VPS13A: variants seen among roughly 807,000 people sequenced by gnomAD.
VPS13A encodes vacuolar protein sorting 13 homolog A.
Under a neutral mutation model 390.9 loss-of-function variants are expected in VPS13A, and 264 were observed. The observed-to-expected ratio is 0.68, with a 90% CI of 0.61 to 0.75. The LOEUF (loss-of-function observed/expected upper bound fraction) is 0.75. Among genes scored for constraint, VPS13A ranks in the 30% least tolerant of loss-of-function variants. The pLI is 0.00. For synonymous variants in VPS13A, 1,231 were observed against 1,227.1 expected, an observed-to-expected ratio of 1.00 and a Z score of -0.07; for missense variants, 3,409 against 3,733.9, an observed-to-expected ratio of 0.91 and a Z score of 2.27.
chr9:77,262,871 G>A (rs891444671), intron 23 of VPS13A, among the ~76,000 whole-genome samples: 1 of 152,076 alleles, frequency 6.6e-6, no homozygotes. Flanking sequence ...CTTTGCTATT[G>A]TGAACAGTGC....
intron 3 of VPS13A, among the ~76,000 whole-genome samples, chr9:77,202,025 T>A (rs1825359454): frequency 6.6e-6 from 1 of 152,170 alleles, no homozygotes; most frequent in Admixed American, 6.5e-5. Flanking sequence ...TAATAGTGTC[T>A]TTAGTTGGGA....
chr9:77,179,781 G>C (rs565609044), intron 1 of VPS13A, among the ~76,000 whole-genome samples: 1 of 136,882 alleles, frequency 7.3e-6, no homozygotes, highest in African/African-American at 2.6e-5. Context: ...TCACAAAATT[G>C]TACAACCATC....
chr9:77,323,371 A>C, intron 45 of VPS13A, 144 bp downstream of exon 45: 1 of 968,588 alleles, frequency 1.0e-6, no homozygotes. Flanking sequence ...ACTCACTACC[A>C]CCAGTTGCGC....
chr9:77,369,784 C>T lies in VPS13A; in HGVS notation c.8667+372C>T, dbSNP rs186066724. Among the ~76,000 whole-genome samples, 32 of 152,266 alleles carry T rather than the reference C, an allele frequency of 2.1e-4. 1 individual carries two copies. Among genetic ancestry groups the T allele is most frequent in the African/African-American group, 6.7e-4 (28 of 41,560 alleles). ...ATCAGTGGGAAAAATTATGATTGTT[C>T]TATGTCCTTTAAAACTTTTTCCCAA... On this transcript the variant is annotated intron_variant, in intron 63 of 71. Transcript: ENST00000360280.
chr9:77,291,042 C>T (rs114352735), intron 31 of VPS13A, among the ~76,000 whole-genome samples: 3 of 152,150 alleles, frequency 2.0e-5, no homozygotes, highest in Non-Finnish European at 4.4e-5. Context: ...GAGTCCCCAA[C>T]CCCCGGGCTG....
intron 42 of VPS13A, 22 bp from the exon 43 acceptor site, chr9:77,321,146 AT>A: frequency 6.2e-7 from 1 of 1,604,572 alleles, no homozygotes; most frequent in Non-Finnish European, 8.5e-7. Flanking sequence ...TTTTCCTTAT[AT>A]TTCTATGATT....
At chr9:77,386,867 C>G (rs1451294725) in intron 68 of VPS13A, among the ~76,000 whole-genome samples, 2 of 151,854 alleles carry the variant, frequency 1.3e-5, no homozygotes, top group Non-Finnish European at 2.9e-5. Context: ...GCCACCACAC[C>G]CGGCTAATTT....
At chr9:77,302,194 G>T (rs905568971) in intron 33 of VPS13A, among the ~76,000 whole-genome samples, 1 of 151,862 alleles carries the variant, frequency 6.6e-6, no homozygotes, top group Non-Finnish European at 1.5e-5. Flanking sequence ...CTGACCTCAG[G>T]TGATCCACCC....
At chr9:77,380,918 A>AC (rs1309847618) in intron 67 of VPS13A, among the ~76,000 whole-genome samples, 6 of 152,218 alleles carry the variant, frequency 3.9e-5, no homozygotes, top group African/African-American at 1.4e-4. Context: ...TCAGGCAGTG[A>AC]AACTTGCTTG....
chr9:77,274,605 G>A (rs1009443012), intron 24 of VPS13A, among the ~76,000 whole-genome samples: 1 of 151,306 alleles, frequency 6.6e-6, no homozygotes, highest in Non-Finnish European at 1.5e-5. Context: ...AATTATTAAA[G>A]GAAAATCATC....
In VPS13A at chr9:77,357,316, C is replaced by CAAA. The variant is rs1156801817; in HGVS notation, c.7807-352_7807-350dup. 1.5e-3 allele frequency among the ~76,000 whole-genome samples: 68 copies of CAAA among 44,602 alleles called. 4 individuals are homozygous for CAAA. The highest frequency in any genetic ancestry group is 2.0e-3 in the African/African-American group (18 of 9,058). 29.3% of individuals were successfully genotyped at this position (44,602 alleles called of 152,430 possible). ...CCTGGCTGACAGCAAGACTCTGTCT[C>CAAA]AAAAAAAAAAAAAAAAAAAAAAAAA... On this transcript the variant is annotated intron_variant, in intron 55 of 71. Coordinates refer to ENST00000360280, the MANE Select transcript of VPS13A (RefSeq NM_033305.3).
chr9:77,207,266 T>C (rs1825732949), intron 5 of VPS13A, among the ~76,000 whole-genome samples: 1 of 125,862 alleles, frequency 7.9e-6, no homozygotes, highest in Admixed American at 8.4e-5. Context: ...ACGTGTTATA[T>C]GTAACATAAC....
Position 77,335,551 on chromosome 9 carries a change from T to G in VPS13A, c.6096-1704T>G, listed in dbSNP as rs1587608081. ...TCAAAAAGTAGGTGAAGGATATGAA[T>G]AGACACTTCTCAAAAGAAGACATTT... On this transcript the variant is annotated intron_variant, in intron 46 of 71. Coordinates refer to ENST00000360280, the MANE Select transcript of VPS13A (RefSeq NM_033305.3). Among the ~76,000 whole-genome samples, 3 of 152,104 alleles carry G rather than the reference T, an allele frequency of 2.0e-5. No homozygotes were observed. The South Asian group carries it at 6.2e-4, about 32-fold the overall frequency.
intron 26 of VPS13A, among the ~76,000 whole-genome samples, chr9:77,279,470 G>A (rs962091988): frequency 5.3e-5 from 8 of 152,058 alleles, no homozygotes; most frequent in Non-Finnish European, 1.0e-4. Context: ...TTGTATCTGT[G>A]CCCACTAAGG....
chr9:77,317,921 T>C (rs1163000394), intron 40 of VPS13A, among the ~76,000 whole-genome samples: 1 of 151,928 alleles, frequency 6.6e-6, no homozygotes, highest in Non-Finnish European at 1.5e-5. Context: ...ACATCTAATA[T>C]CCCTAATAAA....
chr9:77,345,677 C>T lies in VPS13A; in HGVS notation c.7289+535C>T, dbSNP rs1831109859. On this transcript the variant is annotated intron_variant, in intron 52 of 71. Coordinates refer to ENST00000360280, the MANE Select transcript of VPS13A (RefSeq NM_033305.3). ...GGTTATGCAAGTTTCTGATCCTCTA[C>T]TTAGTAGTTCCAGGCTGTCTTGAAT... Among the ~76,000 whole-genome samples, 3 of 152,136 alleles carry T rather than the reference C, an allele frequency of 2.0e-5. No individual in the cohort carries two copies. In the South Asian group the frequency reaches 6.2e-4, roughly 31 times the overall value.
At position 77,337,381 on chromosome 9, in the gene VPS13A, G is replaced by A; in HGVS notation, c.6222G>A (p.Lys2074=). Residue 2074 remains lysine, a synonymous_variant, in exon 47 of 72, where the codon AAG becomes AAA. Transcript: ENST00000360280. ...KKKCRSKNPS[K]ESFLINIVPE... ...AATGTAGATCTAAAAACCCTTCTAA[G>A]GAATCATTTCTCATTAATATTGTTC... 6.2e-7 allele frequency: 1 copy of A among 1,612,398 alleles called. No homozygotes were observed. Among genetic ancestry groups the A allele is most frequent in the Non-Finnish European group, 8.5e-7 (1 of 1,178,898 alleles).
chr9:77,207,237 A>ATATATATATATG lies in VPS13A; in HGVS notation c.385+1169_385+1170insGTATATATATAT, dbSNP rs1554859949. The stretch of plus-strand genomic sequence containing the variant: ...ATTATATATATATATATATATATAT[A>ATATATATATATG]TATATATATATATATAAAACGTGTT... On this transcript the variant is annotated intron_variant, in intron 5 of 71. Coordinates refer to ENST00000360280, the MANE Select transcript of VPS13A (RefSeq NM_033305.3). Among the ~76,000 whole-genome samples the ATATATATATATG allele has an allele frequency of 5.0e-5, 4 of 79,524 alleles. No individual in the cohort carries two copies. The South Asian group carries it at 1.9e-3, about 38-fold the overall frequency. The allele number at this position is 79,524 out of a possible 152,430, so 52.2% of individuals were successfully genotyped here. A position where few individuals can be genotyped will look rare whatever the true frequency, so the allele number is the denominator to read the frequency against.
At chr9:77,201,138 C>T (rs932720754) in intron 2 of VPS13A, among the ~76,000 whole-genome samples, 1 of 151,930 alleles carries the variant, frequency 6.6e-6, no homozygotes, top group Non-Finnish European at 1.5e-5. Context: ...TTACTGTAGA[C>T]CTTTATCCCC....
Sources: allele counts gnomAD v4.1 joint callset (sites outside exome capture counted in the v4.1 genomes callset), GRCh38; gene constraint gnomAD v4.1.1; transcripts MANE v1.5; gene names NCBI Gene and HGNC (gene_info 2026-07-23, HGNC 2026-07-21).